CTNND2: variants seen among roughly 807,000 people sequenced by gnomAD.
CTNND2 encodes catenin delta 2, also known as catenin delta-2.
Under a neutral mutation model 144.4 loss-of-function variants are expected in CTNND2, and 22 were observed. The observed-to-expected ratio is 0.15, with a 90% confidence interval of 0.11 to 0.22. The LOEUF (loss-of-function observed/expected upper bound fraction) is 0.22, where lower values mean the gene tolerates loss of function less well. Ranked by LOEUF, CTNND2 falls within the 10% of genes least tolerant of loss-of-function variation. CTNND2 has a pLI of 1.00. For synonymous variants in CTNND2, 751 were observed against 695.6 expected (o/e 1.08, Z -1.25); for missense variants, 1,353 against 1,618.8 (o/e 0.84, Z 2.82).
intron 3 of CTNND2, among the ~76,000 whole-genome samples, chr5:11,545,823 T>A (rs1326040079): frequency 1.3e-5 from 2 of 152,158 alleles, no homozygotes; most frequent in African/African-American, 4.8e-5. Flanking sequence ...ATAGCAGAAT[T>A]ATTCACAATA....
chr5:11,572,839 C>A (rs1485700515), intron 2 of CTNND2, among the ~76,000 whole-genome samples: 1 of 152,176 alleles, frequency 6.6e-6, no homozygotes, highest in Non-Finnish European at 1.5e-5. Flanking sequence ...TTCTGTATTT[C>A]TTCTGCAGCT....
chr5:11,864,582 T>C (rs562999578), intron 1 of CTNND2, among the ~76,000 whole-genome samples: 2 of 152,174 alleles, frequency 1.3e-5, no homozygotes, highest in Non-Finnish European at 2.9e-5. Flanking sequence ...GGATCCACCA[T>C]CTACCTGTCT....
intron 2 of CTNND2, among the ~76,000 whole-genome samples, chr5:11,709,675 C>T: frequency 6.6e-6 from 1 of 152,146 alleles, no homozygotes; most frequent in East Asian, 1.9e-4. Context: ...TTGCTTCCAT[C>T]ATTTAAGAAA....
At position 11,314,575 on chromosome 5, in the gene CTNND2, C is replaced by A. The variant is rs577554494; in HGVS notation, c.1628+31797G>T. On this transcript the variant is annotated intron_variant, in intron 9 of 21. Transcript: ENST00000304623. Reference sequence around the variant, plus strand: ...GAGATGGGGGTCTCTCTTTATTGCCCAGGCTGGTCTTGAACTCCTAGGCTC... The same window carrying A: ...GAGATGGGGGTCTCTCTTTATTGCCAAGGCTGGTCTTGAACTCCTAGGCTC... 1.4e-4 allele frequency among the ~76,000 whole-genome samples: 21 copies of A among 152,286 alleles called. No homozygotes were observed. The South Asian group carries it at 1.5e-3, about 11-fold the overall frequency.
intron 1 of CTNND2, among the ~76,000 whole-genome samples, chr5:11,803,958 A>T (rs1355583848): frequency 6.6e-6 from 1 of 152,056 alleles, no homozygotes; most frequent in Non-Finnish European, 1.5e-5. Flanking sequence ...TGCTCCAACC[A>T]AGTCAGTTAA....
chr5:11,312,931 A>T (rs1260294596), intron 9 of CTNND2, among the ~76,000 whole-genome samples: 2 of 152,200 alleles, frequency 1.3e-5, no homozygotes, highest in African/African-American at 2.4e-5. Context: ...TTCAAACTGC[A>T]CTTCCTCCGT....
intron 12 of CTNND2, among the ~76,000 whole-genome samples, chr5:11,149,577 T>A (rs1757556829): frequency 6.6e-6 from 1 of 152,160 alleles, no homozygotes; most frequent in East Asian, 1.9e-4. Flanking sequence ...TGGTACAACA[T>A]CTTCCTTGCC....
chr5:11,671,954 G>A (rs1479290706), intron 2 of CTNND2, among the ~76,000 whole-genome samples: 1 of 152,278 alleles, frequency 6.6e-6, no homozygotes, highest in African/African-American at 2.4e-5. Flanking sequence ...GACCTATGGA[G>A]GGGGTCTCTG....
chr5:11,701,065 C>G (rs1403537127), intron 2 of CTNND2, among the ~76,000 whole-genome samples: 1 of 152,064 alleles, frequency 6.6e-6, no homozygotes. Context: ...TACCTGAGAC[C>G]CATTCTGTAC....
chr5:11,345,209 C>T (rs1308888701), intron 9 of CTNND2, among the ~76,000 whole-genome samples: 1 of 152,170 alleles, frequency 6.6e-6, no homozygotes, highest in East Asian at 1.9e-4. Context: ...GGGCAGGTTT[C>T]AGGACCAAGA....
chr5:11,244,495 G>A (rs1742794198), intron 9 of CTNND2, among the ~76,000 whole-genome samples: 1 of 152,036 alleles, frequency 6.6e-6, no homozygotes, highest in African/African-American at 2.4e-5. Context: ...ATATTGGCCA[G>A]GCTGGTCTTG....
At chr5:11,719,413 C>T (rs976236794) in intron 2 of CTNND2, among the ~76,000 whole-genome samples, 10 of 152,118 alleles carry the variant, frequency 6.6e-5, no homozygotes, top group African/African-American at 1.9e-4. Flanking sequence ...AATCAGATGT[C>T]CCACCTCAAG....
chr5:10,992,536 A>G lies in CTNND2; in HGVS notation c.3211+15T>C. 1 of 1,613,680 alleles carries G rather than the reference A, an allele frequency of 6.2e-7. No individual in the cohort carries two copies. The highest frequency in any genetic ancestry group is 1.3e-5 in the African/African-American group (1 of 75,052). On this transcript the variant is annotated intron_variant, in intron 19 of 21. Transcript: ENST00000304623. ...AGAAATAAAGCCTGGCTGGCTAGCC[A>G]CGGCAGCCTCTTACCTGAGCGGTTG...
intron 12 of CTNND2, among the ~76,000 whole-genome samples, chr5:11,121,136 G>A (rs539900846): frequency 1.5e-4 from 23 of 152,284 alleles, no homozygotes; most frequent in African/African-American, 5.3e-4. Flanking sequence ...TAAGCATCAC[G>A]ACTTGAACAC....
chr5:11,708,915 C>T (rs1254153702), intron 2 of CTNND2, among the ~76,000 whole-genome samples: 1 of 152,200 alleles, frequency 6.6e-6, no homozygotes, highest in African/African-American at 2.4e-5. Flanking sequence ...TAGAATCATA[C>T]ATAGCCCCTT....
intron 16 of CTNND2, among the ~76,000 whole-genome samples, chr5:11,035,279 C>A (rs1743948045): frequency 6.6e-6 from 1 of 152,080 alleles, no homozygotes; most frequent in Non-Finnish European, 1.5e-5. Flanking sequence ...GGAAGGACTG[C>A]ATTCTGGGAG....
At chr5:11,460,218 C>T (rs1394134482) in intron 3 of CTNND2, among the ~76,000 whole-genome samples, 1 of 152,204 alleles carries the variant, frequency 6.6e-6, no homozygotes, top group Non-Finnish European at 1.5e-5. Context: ...CAAAATCTTA[C>T]ATCTCACCCA....
At chr5:11,010,369 C>T (rs1007166887) in intron 18 of CTNND2, among the ~76,000 whole-genome samples, 1 of 152,184 alleles carries the variant, frequency 6.6e-6, no homozygotes, top group African/African-American at 2.4e-5. Flanking sequence ...TTCAGTATTC[C>T]TCACCCTTCA....
chr5:11,330,313 T>TAAAAAAAA (rs1390011646), intron 9 of CTNND2, among the ~76,000 whole-genome samples: 1 of 44,550 alleles, frequency 2.2e-5, no homozygotes, highest in African/African-American at 1.4e-4. Flanking sequence ...CTACTAAAAA[T>TAAAAAAAA]ACAAAAAAAA....
Sources: allele counts gnomAD v4.1 joint callset (sites outside exome capture counted in the v4.1 genomes callset), GRCh38; gene constraint gnomAD v4.1.1; transcripts MANE v1.5; gene names NCBI Gene and HGNC (gene_info 2026-07-23, HGNC 2026-07-21).